LRRTM4: variants seen among roughly 807,000 people sequenced by gnomAD.
LRRTM4 encodes the protein leucine-rich repeat transmembrane neuronal protein 4.
In LRRTM4, 25 loss-of-function variants were observed where a neutral mutation model predicts 47.6. The ratio of observed to expected loss-of-function variants is 0.53; its 90% CI spans 0.38 to 0.73. LRRTM4 has a LOEUF of 0.73. Among genes scored for constraint, LRRTM4 ranks in the 30% least tolerant of loss-of-function variants. The probability of loss-of-function intolerance (pLI) is 0.00; values close to 1 mark genes in which losing one functional copy is unlikely to be tolerated. For missense variants in LRRTM4, 638 were observed against 713.4 expected (o/e 0.89, Z 1.20); for synonymous variants, 311 against 269.5 (o/e 1.15, Z -1.51).
rs543673246 is a variant in LRRTM4 at position 77,171,772 on chromosome 2, TATAA to T, written c.1551+346542_1551+346545del. 1.3e-4 allele frequency among the ~76,000 whole-genome samples: 20 copies of T among 152,198 alleles called. No individual in the cohort carries two copies. In the South Asian group the frequency reaches 3.3e-3, roughly 25 times the overall value. ...AGGCAACTGTATTTTTTAAATGGCT[TATAA>T]ATATTTTTATAAAAGAAAAAGTCAT... On this transcript the variant is annotated intron_variant, in intron 3 of 3. Coordinates refer to ENST00000409884, the MANE Select transcript of LRRTM4 (RefSeq NM_001134745.3).
At chr2:77,135,107 A>G (rs1212009587) in intron 3 of LRRTM4, among the ~76,000 whole-genome samples, 2 of 152,228 alleles carry the variant, frequency 1.3e-5, no homozygotes, top group Non-Finnish European at 2.9e-5. Flanking sequence ...GGATGAAAAC[A>G]TTCAGTCCAA....
intron 3 of LRRTM4, among the ~76,000 whole-genome samples, chr2:77,179,395 T>C (rs890633352): frequency 6.6e-6 from 1 of 152,182 alleles, no homozygotes; most frequent in Admixed American, 6.6e-5. Flanking sequence ...ATGTCCTGAG[T>C]CAGAGGTTCT....
intron 3 of LRRTM4, among the ~76,000 whole-genome samples, chr2:77,390,640 T>C (rs1030172378): frequency 1.3e-5 from 2 of 151,728 alleles, no homozygotes; most frequent in Non-Finnish European, 2.9e-5. Context: ...TATTATTAAA[T>C]ATGCTATAAA....
At chr2:77,380,633 T>G (rs1217702841) in intron 3 of LRRTM4, among the ~76,000 whole-genome samples, 1 of 151,804 alleles carries the variant, frequency 6.6e-6, no homozygotes, top group Non-Finnish European at 1.5e-5. Flanking sequence ...CCGTCTGTAC[T>G]AAAAATGCAA....
At chr2:77,282,852 A>G (rs904887279) in intron 3 of LRRTM4, among the ~76,000 whole-genome samples, 1 of 152,044 alleles carries the variant, frequency 6.6e-6, no homozygotes, top group African/African-American at 2.4e-5. Flanking sequence ...CTCAAGATGG[A>G]TTAAAGATTT....
intron 3 of LRRTM4, among the ~76,000 whole-genome samples, chr2:77,145,184 G>C (rs1221776330): frequency 1.3e-5 from 2 of 151,432 alleles, no homozygotes; most frequent in Non-Finnish European, 2.9e-5. Context: ...GTAAAGGGTA[G>C]AGCATTTGAC....
At chr2:77,284,133 G>C (rs1347106159) in intron 3 of LRRTM4, among the ~76,000 whole-genome samples, 4 of 152,050 alleles carry the variant, frequency 2.6e-5, no homozygotes, top group Non-Finnish European at 5.9e-5. Context: ...TGTCTAACAA[G>C]TGAAGCTCAC....
At chr2:77,150,836 T>A (rs1672397355) in intron 3 of LRRTM4, among the ~76,000 whole-genome samples, 1 of 152,170 alleles carries the variant, frequency 6.6e-6, no homozygotes, top group Non-Finnish European at 1.5e-5. Context: ...CCTACCATTA[T>A]CAATTCTCAG....
intron 3 of LRRTM4, among the ~76,000 whole-genome samples, chr2:77,497,598 C>T (rs1183305228): frequency 2.0e-5 from 3 of 151,244 alleles, no homozygotes; most frequent in African/African-American, 4.8e-5. Context: ...CACACACACA[C>T]CCACTATACT....
intron 3 of LRRTM4, among the ~76,000 whole-genome samples, chr2:76,958,303 G>T (rs113697633): frequency 6.6e-6 from 1 of 151,722 alleles, no homozygotes; most frequent in South Asian, 2.1e-4. Context: ...CTTGATTGCT[G>T]AAAGTTTTGA....
At chr2:77,308,118 T>C in intron 3 of LRRTM4, among the ~76,000 whole-genome samples, 1 of 112,910 alleles carries the variant, frequency 8.9e-6, no homozygotes, top group Non-Finnish European at 1.6e-5. Context: ...ATATATTATT[T>C]ATATATAATT....
chr2:77,107,932 T>C (rs1252772109), intron 3 of LRRTM4, among the ~76,000 whole-genome samples: 3 of 150,090 alleles, frequency 2.0e-5, no homozygotes, highest in South Asian at 2.1e-4. Context: ...GTTTAGAAAA[T>C]AACAAGGTAA....
At chr2:77,373,735 T>TA in intron 3 of LRRTM4, among the ~76,000 whole-genome samples, 1 of 151,834 alleles carries the variant, frequency 6.6e-6, no homozygotes, top group Admixed American at 6.6e-5. Flanking sequence ...TACTTAGATA[T>TA]AAAACTCAGA....
chr2:77,141,465 C>T (rs956063494), intron 3 of LRRTM4, among the ~76,000 whole-genome samples: 3 of 112,568 alleles, frequency 2.7e-5, no homozygotes, highest in African/African-American at 1.1e-4. Context: ...ACACCGTGGC[C>T]TGTCATGGGG....
chr2:76,793,392 T>C (rs907480880), intron 3 of LRRTM4, among the ~76,000 whole-genome samples: 1 of 152,222 alleles, frequency 6.6e-6, no homozygotes, highest in Admixed American at 6.5e-5. Context: ...ATTCACTCTT[T>C]GGCCAATTAC....
At chr2:77,193,799 C>T (rs1038485671) in intron 3 of LRRTM4, among the ~76,000 whole-genome samples, 74 of 152,228 alleles carry the variant, frequency 4.9e-4, no homozygotes, top group African/African-American at 1.8e-3. Flanking sequence ...ATATATTTTT[C>T]AGTCACCATG....
intron 3 of LRRTM4, among the ~76,000 whole-genome samples, chr2:77,171,919 G>A (rs2103835842): frequency 6.6e-6 from 1 of 152,152 alleles, no homozygotes; most frequent in African/African-American, 2.4e-5. Context: ...ACTTTGTAAG[G>A]GTTGTACAAT....
chr2:77,206,833 T>C (rs1674141003), intron 3 of LRRTM4, among the ~76,000 whole-genome samples: 1 of 152,076 alleles, frequency 6.6e-6, no homozygotes, highest in Non-Finnish European at 1.5e-5. Context: ...CAAAATCCTC[T>C]AAATGATTTT....
chr2:77,202,647 G>T (rs2103902864), intron 3 of LRRTM4, among the ~76,000 whole-genome samples: 1 of 151,292 alleles, frequency 6.6e-6, no homozygotes, highest in Admixed American at 6.6e-5. Context: ...TCCAAGCTTT[G>T]TAACTCACTG....
Sources: gnomAD v4.1 joint callset for allele counts (sites outside exome capture counted in the v4.1 genomes callset) on GRCh38, gnomAD v4.1.1 for gene constraint, MANE v1.5 for transcripts, NCBI Gene and HGNC (gene_info 2026-07-23, HGNC 2026-07-21) for gene names.